The following TRA2A variants were observed in gnomAD, a reference collection of about 807,000 sequenced individuals.
The protein encoded by TRA2A is transformer 2 alpha homolog.
TRA2A carries 31 observed loss-of-function variants against 45.7 expected under a neutral mutation model. The ratio of observed to expected loss-of-function variants is 0.68; its 90% CI spans 0.51 to 0.92. The LOEUF (loss-of-function observed/expected upper bound fraction) is 0.92. Among genes scored for constraint, TRA2A ranks in the 40% least tolerant of loss-of-function variants. The pLI is 0.00. For missense variants in TRA2A, 304 were observed against 367.5 expected (o/e 0.83, Z 1.41); for synonymous variants, 132 against 126.2 (o/e 1.05, Z -0.31).
At chr7:23,511,752 A>G (rs1411697523) in intron 4 of TRA2A, among the ~76,000 whole-genome samples, 1 of 152,186 alleles carries the variant, frequency 6.6e-6, no homozygotes, top group South Asian at 2.1e-4. Flanking sequence ...CACTTCCTTT[A>G]TAATACCGAA....
intron 1 of TRA2A, among the ~76,000 whole-genome samples, chr7:23,523,725 T>C (rs190577307): frequency 6.6e-6 from 1 of 152,360 alleles, no homozygotes; most frequent in Non-Finnish European, 1.5e-5. Flanking sequence ...ACTCAACAGA[T>C]GTCTGGAGCA....
chr7:23,521,919 TTA>T, intron 1 of TRA2A, 79 bp from the exon 2 acceptor site: 1 of 1,568,952 alleles, frequency 6.4e-7, no homozygotes, highest in Non-Finnish European at 8.7e-7. Flanking sequence ...CCGTAATTAT[TTA>T]TATTGATTGC....
At position 23,511,239 on chromosome 7, in the gene TRA2A, C is replaced by T. The variant is rs192001685; in HGVS notation, c.525+1655G>A. ...ACAAAAAATTAGCTGGACATGGTGG[C>T]GGGCGTCTGTAGTCCCAGCTACTCG... On this transcript the variant is annotated intron_variant, in intron 4 of 7. Coordinates refer to ENST00000297071, the MANE Select transcript of TRA2A (RefSeq NM_013293.5). Among the ~76,000 whole-genome samples the T allele has an allele frequency of 1.8e-3, 278 of 151,374 alleles. 1 individual carries two copies. Among genetic ancestry groups the T allele is most frequent in the African/African-American group, 6.4e-3 (265 of 41,310 alleles).
chr7:23,510,730 C>T (rs926869667), intron 4 of TRA2A, among the ~76,000 whole-genome samples: 3 of 152,156 alleles, frequency 2.0e-5, no homozygotes, highest in African/African-American at 7.2e-5. Context: ...TTACACTGTT[C>T]TGGCTTGCAT....
chr7:23,518,887 A>G (rs1219097318), intron 2 of TRA2A, among the ~76,000 whole-genome samples: 7 of 151,938 alleles, frequency 4.6e-5, no homozygotes. Context: ...GGGTCTCAAC[A>G]TGTTGGCCAG....
intron 4 of TRA2A, among the ~76,000 whole-genome samples, chr7:23,512,584 G>C (rs938679439): frequency 1.3e-5 from 2 of 151,760 alleles, no homozygotes; most frequent in African/African-American, 4.8e-5. Flanking sequence ...TCAGACTCCC[G>C]AGTAGCTGGG....
rs781452999 is a variant in TRA2A, at chr7:23,516,465, A to T, written c.234T>A (p.His78Gln). 1 of 1,614,172 alleles carries T rather than the reference A, an allele frequency of 6.2e-7. No homozygotes were observed. The highest frequency in any genetic ancestry group is 1.3e-5 in the African/African-American group (1 of 75,060). Residue 78 changes from histidine (H) to glutamine (Q), a missense_variant, in exon 3 of 8, where the codon CAT becomes CAA. His to Gln is a conservative substitution (Grantham distance 24). Coordinates refer to ENST00000297071, the MANE Select transcript of TRA2A (RefSeq NM_013293.5). The part of the protein sequence containing the change: ...YTRSRSHSHS[H>Q]RRRSRSRSYT... ...ATGATCTACTTCGAGATCGTCTCCT[A>T]TGAGAGTGAGAGTGGGATCTGGATC...
intron 4 of TRA2A, among the ~76,000 whole-genome samples, chr7:23,509,008 A>T (rs1031763594): frequency 6.6e-6 from 1 of 151,854 alleles, no homozygotes; most frequent in Non-Finnish European, 1.5e-5. Context: ...CTATTCTCTC[A>T]CACACATATA....
chr7:23,505,304 A>T lies in TRA2A; in HGVS notation c.*255T>A. On this transcript the variant is annotated 3_prime_UTR_variant, in exon 8 of 8. Transcript: ENST00000297071. ...TAAAAGCAAAAAAAAAAATTTACAA[A>T]GCATAACATAACATTGGGGTTCTTT... 2.6e-6 allele frequency: 1 copy of T among 379,366 alleles called. No individual in the cohort carries two copies. 23.5% of individuals were successfully genotyped at this position (379,366 alleles called of 1,614,324 possible). A position where few individuals can be genotyped will look rare whatever the true frequency, so the allele number is the denominator to read the frequency against.
At chr7:23,524,693 AT>A (rs10707106) in intron 1 of TRA2A, among the ~76,000 whole-genome samples, 117,285 of 143,022 alleles carry the variant, frequency 0.82, 48,135 homozygotes, top group African/African-American at 0.89. Context: ...GATTTTAACT[AT>A]TTTTTTTTTT....
At chr7:23,524,461 G>A (rs1202344257) in intron 1 of TRA2A, among the ~76,000 whole-genome samples, 1 of 152,048 alleles carries the variant, frequency 6.6e-6, no homozygotes, top group Non-Finnish European at 1.5e-5. Flanking sequence ...TGGGATTACA[G>A]GTGTGAGCCA....
At chr7:23,522,812 T>G (rs1790189011) in intron 1 of TRA2A, among the ~76,000 whole-genome samples, 1 of 152,130 alleles carries the variant, frequency 6.6e-6, no homozygotes, top group African/African-American at 2.4e-5. Flanking sequence ...AAAATAAGCT[T>G]TCACTAAGTC....
intron 3 of TRA2A, among the ~76,000 whole-genome samples, chr7:23,515,572 G>A (rs918559295): frequency 2.7e-5 from 4 of 149,096 alleles, no homozygotes; most frequent in Non-Finnish European, 5.9e-5. Flanking sequence ...ACAGAGTCTC[G>A]CTCTGTCTCC....
intron 4 of TRA2A, among the ~76,000 whole-genome samples, chr7:23,511,744 C>A (rs1265589414): frequency 6.6e-6 from 1 of 152,090 alleles, no homozygotes; most frequent in East Asian, 1.9e-4. Flanking sequence ...AAGCCTACCA[C>A]TTCCTTTATA....
intron 2 of TRA2A, among the ~76,000 whole-genome samples, chr7:23,521,402 C>T (rs1181821317): frequency 6.6e-6 from 1 of 152,158 alleles, no homozygotes; most frequent in Non-Finnish European, 1.5e-5. Flanking sequence ...CTGGTTGCAA[C>T]TATCCAATAT....
At chr7:23,530,288 TA>T (rs563734913) in intron 1 of TRA2A, among the ~76,000 whole-genome samples, 2 of 151,748 alleles carry the variant, frequency 1.3e-5, no homozygotes, top group African/African-American at 2.4e-5. Context: ...CCAAACTTTG[TA>T]AAAAAAAATT....
intron 5 of TRA2A, chr7:23,507,109 T>C (rs2127990654): frequency 3.6e-6 from 1 of 277,830 alleles, no homozygotes. Flanking sequence ...TTAAAAACAT[T>C]ATCAAAACCC....
intron 1 of TRA2A, among the ~76,000 whole-genome samples, chr7:23,522,718 A>G (rs1368004063): frequency 6.6e-6 from 1 of 152,142 alleles, no homozygotes; most frequent in Middle Eastern, 3.2e-3. Flanking sequence ...CAATTTTAAT[A>G]TAATTCAAAT....
At chr7:23,527,145 G>C (rs1008767976) in intron 1 of TRA2A, among the ~76,000 whole-genome samples, 1 of 152,146 alleles carries the variant, frequency 6.6e-6, no homozygotes, top group African/African-American at 2.4e-5. Flanking sequence ...GAGTTATACA[G>C]TATTTATGAA....
Sources: gnomAD v4.1 joint callset for allele counts (sites outside exome capture counted in the v4.1 genomes callset) on GRCh38, gnomAD v4.1.1 for gene constraint, MANE v1.5 for transcripts, NCBI Gene and HGNC (gene_info 2026-07-23, HGNC 2026-07-21) for gene names.